The following LRRTM4 variants were observed in gnomAD, a reference collection of about 807,000 sequenced individuals.
LRRTM4 encodes leucine-rich repeat transmembrane neuronal protein 4.
LRRTM4 carries 25 observed loss-of-function variants against 47.6 expected under a neutral mutation model. The observed-to-expected ratio is 0.53, with a 90% confidence interval of 0.38 to 0.73. LRRTM4 has a LOEUF of 0.73. LRRTM4 is among the 30% of genes least tolerant of loss of function. The pLI, the probability that LRRTM4 is intolerant of heterozygous loss-of-function variation, is 0.00. For synonymous variants in LRRTM4, 311 were observed against 269.5 expected (o/e 1.15, Z -1.51); for missense variants, 638 against 713.4 (o/e 0.89, Z 1.20).
At chr2:76,959,853 G>C (rs1675795065) in intron 3 of LRRTM4, among the ~76,000 whole-genome samples, 1 of 151,490 alleles carries the variant, frequency 6.6e-6, no homozygotes. Context: ...AGTGCATTAT[G>C]ATTTAAAAAC....
At chr2:77,500,383 G>A (rs1424046314) in intron 3 of LRRTM4, among the ~76,000 whole-genome samples, 2 of 151,684 alleles carry the variant, frequency 1.3e-5, no homozygotes, top group East Asian at 1.9e-4. Context: ...AGCACCATTG[G>A]AATTAATATT....
intron 3 of LRRTM4, among the ~76,000 whole-genome samples, chr2:76,775,620 T>C (rs1410270973): frequency 3.3e-5 from 5 of 152,154 alleles, no homozygotes; most frequent in East Asian, 3.9e-4. Context: ...TCTTTTACCA[T>C]CAAGGCTCAG....
intron 3 of LRRTM4, among the ~76,000 whole-genome samples, chr2:76,886,318 A>C (rs944435693): frequency 9.2e-5 from 14 of 152,172 alleles, no homozygotes; most frequent in African/African-American, 3.4e-4. Context: ...TAATTAGACA[A>C]CCTTAAACTT....
At chr2:77,139,396 C>T (rs574495486) in intron 3 of LRRTM4, among the ~76,000 whole-genome samples, 2 of 152,106 alleles carry the variant, frequency 1.3e-5, no homozygotes, top group Non-Finnish European at 2.9e-5. Flanking sequence ...TCAATAGATG[C>T]GGAAAAGGAC....
At chr2:77,387,604 C>T (rs1184210041) in intron 3 of LRRTM4, among the ~76,000 whole-genome samples, 1 of 152,104 alleles carries the variant, frequency 6.6e-6, no homozygotes, top group Non-Finnish European at 1.5e-5. Context: ...ACACACAATT[C>T]ATGCTGCCTG....
At chr2:77,101,158 A>G (rs1473269090) in intron 3 of LRRTM4, among the ~76,000 whole-genome samples, 3 of 152,248 alleles carry the variant, frequency 2.0e-5, no homozygotes, top group African/African-American at 4.8e-5. Flanking sequence ...TATATACAAA[A>G]ATATTTTAGA....
chr2:77,444,036 G>A (rs1675949326), intron 3 of LRRTM4, among the ~76,000 whole-genome samples: 1 of 152,134 alleles, frequency 6.6e-6, no homozygotes, highest in Non-Finnish European at 1.5e-5. Context: ...TAAATTCAAT[G>A]AAGAGATCCG....
At chr2:76,839,799 TA>T (rs1304079050) in intron 3 of LRRTM4, among the ~76,000 whole-genome samples, 1 of 152,156 alleles carries the variant, frequency 6.6e-6, no homozygotes, top group Non-Finnish European at 1.5e-5. Context: ...AATACAATTT[TA>T]TTTTTTTTAA....
intron 3 of LRRTM4, among the ~76,000 whole-genome samples, chr2:77,180,086 A>G (rs1047908485): frequency 2.0e-5 from 3 of 152,188 alleles, no homozygotes; most frequent in South Asian, 2.1e-4. Context: ...ATATCAATGT[A>G]TAAGAAGTTA....
chr2:76,875,760 T>A (rs917120242), intron 3 of LRRTM4, among the ~76,000 whole-genome samples: 1 of 152,180 alleles, frequency 6.6e-6, no homozygotes, highest in Non-Finnish European at 1.5e-5. Flanking sequence ...TATGTTGAGA[T>A]TGGTTTCCAC....
At chr2:76,834,706 T>G (rs1671457768) in intron 3 of LRRTM4, among the ~76,000 whole-genome samples, 1 of 152,110 alleles carries the variant, frequency 6.6e-6, no homozygotes, top group Admixed American at 6.6e-5. Flanking sequence ...ATATCTAGTT[T>G]GTTAGCTTAT....
At chr2:76,984,102 C>T (rs1342807127) in intron 3 of LRRTM4, among the ~76,000 whole-genome samples, 1 of 151,872 alleles carries the variant, frequency 6.6e-6, no homozygotes, top group Non-Finnish European at 1.5e-5. Flanking sequence ...TTTAATGAAA[C>T]TTGTATGTTA....
intron 3 of LRRTM4, among the ~76,000 whole-genome samples, chr2:77,387,848 G>A (rs1008379721): frequency 2.6e-5 from 4 of 151,980 alleles, no homozygotes; most frequent in African/African-American, 9.7e-5. Context: ...ACCATATTAT[G>A]TTTTTTGAAT....
At chr2:77,147,035 T>C (rs1672278216) in intron 3 of LRRTM4, among the ~76,000 whole-genome samples, 1 of 152,188 alleles carries the variant, frequency 6.6e-6, no homozygotes, top group Non-Finnish European at 1.5e-5. Flanking sequence ...TTTTAAAATA[T>C]ACATCTTTCC....
intron 3 of LRRTM4, among the ~76,000 whole-genome samples, chr2:77,027,806 T>C (rs1034231857): frequency 6.6e-6 from 1 of 152,168 alleles, no homozygotes; most frequent in Non-Finnish European, 1.5e-5. Context: ...AGCATGTTTG[T>C]ACAATTTATA....
At position 77,206,515 on chromosome 2, in the gene LRRTM4, C is replaced by T. The variant is rs1020858170; in HGVS notation, c.1551+311803G>A. ...AAAGATTTTTTTTGAGACAGAGTCT[C>T]GCACAGTCACCCAGGCTGGAGTGCA... is the stretch of plus-strand genomic sequence containing the variant. On this transcript the variant is annotated intron_variant, in intron 3 of 3. Coordinates refer to ENST00000409884, the MANE Select transcript of LRRTM4 (RefSeq NM_001134745.3). Among the ~76,000 whole-genome samples the T allele has an allele frequency of 3.3e-5, 5 of 151,870 alleles. No individual in the cohort carries two copies. In the East Asian group the frequency reaches 5.8e-4, roughly 18 times the overall value.
chr2:76,812,716 TTCTTTC>T, intron 3 of LRRTM4, among the ~76,000 whole-genome samples: 1 of 128,682 alleles, frequency 7.8e-6, no homozygotes, highest in Admixed American at 8.5e-5. Flanking sequence ...TTATTTCTTT[TTCTTTC>T]TCTTTTTCTC....
chr2:77,059,839 G>C (rs1173233661), intron 3 of LRRTM4, among the ~76,000 whole-genome samples: 1 of 152,134 alleles, frequency 6.6e-6, no homozygotes, highest in Non-Finnish European at 1.5e-5. Flanking sequence ...GCCTTGTGAA[G>C]TCTATTATAC....
At chr2:76,771,552 A>C (rs117440471) in intron 3 of LRRTM4, among the ~76,000 whole-genome samples, 2 of 151,878 alleles carry the variant, frequency 1.3e-5, no homozygotes, top group African/African-American at 2.4e-5. Flanking sequence ...GAGGCTGAGC[A>C]CTGCCTTTGC....
Sources: allele counts gnomAD v4.1 joint callset (sites outside exome capture counted in the v4.1 genomes callset), GRCh38; gene constraint gnomAD v4.1.1; transcripts MANE v1.5; gene names NCBI Gene and HGNC (gene_info 2026-07-23, HGNC 2026-07-21).